DNAH3: variants seen among roughly 807,000 people sequenced by gnomAD.
DNAH3 encodes the protein dynein axonemal heavy chain 3.
In DNAH3, 332 loss-of-function variants were observed where a neutral mutation model predicts 432.5. The observed-to-expected ratio is 0.77, with a 90% CI of 0.70 to 0.84. DNAH3 has a LOEUF of 0.84. Among genes scored for constraint, DNAH3 ranks in the 40% least tolerant of loss-of-function variants. DNAH3 has a pLI of 0.00. For missense variants in DNAH3, 4,861 were observed against 5,114.0 expected (o/e 0.95, Z 1.51); for synonymous variants, 1,956 against 1,900.2 (o/e 1.03, Z -0.76).
chr16:20,941,396 C>T lies in DNAH3; in HGVS notation c.11654+5G>A. 2.5e-6 allele frequency: 4 copies of T among 1,613,606 alleles called. No individual in the cohort carries two copies. Among genetic ancestry groups the T allele is most frequent in the Non-Finnish European group, 3.4e-6 (4 of 1,179,738 alleles). ...CCAGGATTCAAGCTACATCATCTGG[C>T]CCACCTGTTGAATCTGATGAGCTCC... On this transcript the variant is annotated splice_donor_5th_base_variant and intron_variant, in intron 59 of 61. Coordinates refer to ENST00000261383, the Ensembl canonical transcript of DNAH3.
At chr16:21,003,978 T>G (rs2087153069) in intron 41 of DNAH3, among the ~76,000 whole-genome samples, 2 of 152,138 alleles carry the variant, frequency 1.3e-5, no homozygotes, top group Non-Finnish European at 2.9e-5. Context: ...ACATATACTA[T>G]TTTAAAATAA....
chr16:21,057,993 T>C (rs1439487285), intron 27 of DNAH3, 93 bp downstream of exon 27: 2 of 817,236 alleles, frequency 2.4e-6, no homozygotes, highest in East Asian at 2.4e-5. Context: ...GATTTTTGTT[T>C]AGACAACAAA....
intron 32 of DNAH3, among the ~76,000 whole-genome samples, chr16:21,041,296 G>T (rs923694984): frequency 6.6e-6 from 1 of 152,102 alleles, no homozygotes; most frequent in African/African-American, 2.4e-5. Flanking sequence ...ACTTGAACCT[G>T]GGAGGCAGAT....
At chr16:21,104,394 A>T in intron 16 of DNAH3, 77 bp downstream of exon 16, 1 of 1,318,298 alleles carries the variant, frequency 7.6e-7, no homozygotes, top group Non-Finnish European at 1.1e-6. Context: ...GGGATGGCTT[A>T]GACAGAACCA....
chr16:21,019,707 C>T lies in DNAH3; in HGVS notation c.5939G>A (p.Arg1980His), dbSNP rs772935570. The T allele has an allele frequency of 1.6e-5, 26 of 1,613,966 alleles. No homozygotes were observed. Among genetic ancestry groups the T allele is most frequent in the Admixed American group, 6.7e-5 (4 of 59,968 alleles). ...ATCATCCATGCCCATGATCAGGTTG[C>T]GGAAAAACACATCAAATTTCTTTCT... The change falls in exon 41 of 62, where the codon CGC (arginine) becomes CAC (histidine). Residue 1980 changes from arginine (R) to histidine (H), a missense_variant. Coordinates refer to ENST00000261383, the Ensembl canonical transcript of DNAH3.
At chr16:21,127,579 A>C in intron 8 of DNAH3, 108 bp downstream of exon 9, 1 of 1,353,184 alleles carries the variant, frequency 7.4e-7, no homozygotes, top group Non-Finnish European at 1.0e-6. Context: ...AAAAGACACG[A>C]AAGGATGCCA....
At chr16:21,094,063 C>A (rs1461469907) in intron 18 of DNAH3, among the ~76,000 whole-genome samples, 1 of 151,902 alleles carries the variant, frequency 6.6e-6, no homozygotes, top group African/African-American at 2.4e-5. Flanking sequence ...ATACGTTGGA[C>A]GTCATCAAAG....
chr16:20,966,458 G>C (rs968839399), intron 52 of DNAH3, among the ~76,000 whole-genome samples: 1 of 152,140 alleles, frequency 6.6e-6, no homozygotes. Flanking sequence ...TCTGACAAGA[G>C]AGGCCCCCCT....
intron 39 of DNAH3, 135 bp from the exon 40 acceptor site, chr16:21,022,235 C>T (rs2088274839): frequency 1.1e-6 from 1 of 877,614 alleles, no homozygotes; most frequent in Non-Finnish European, 1.8e-6. Flanking sequence ...TGGGGGAAAA[C>T]TTATAGGCAA....
chr16:20,995,765 T>C (rs995060725), intron 44 of DNAH3, among the ~76,000 whole-genome samples: 1 of 152,202 alleles, frequency 6.6e-6, no homozygotes, highest in Non-Finnish European at 1.5e-5. Context: ...TGGTCAGTTT[T>C]GAGAAATCAC....
chr16:20,959,199 C>T, exon 54 of DNAH3: 1 of 1,614,172 alleles, frequency 6.2e-7, no homozygotes, highest in Non-Finnish European at 8.5e-7. Context: ...CATTGGTGCT[C>T]TCAGGAACAA....
At chr16:21,000,493 A>C (rs749074566) in exon 43 of DNAH3, 1 of 1,610,292 alleles carries the variant, frequency 6.2e-7, no homozygotes, top group Admixed American at 1.7e-5. Flanking sequence ...GGCTGTCTCC[A>C]TTGTGGGGAT....
chr16:21,101,149 C>T (rs4783520), intron 16 of DNAH3, among the ~76,000 whole-genome samples: 23,797 of 152,064 alleles, frequency 0.16, 2,385 homozygotes, highest in South Asian at 0.23. Context: ...ATCTTAAATG[C>T]ACTCAGAACA....
chr16:20,942,141 G>A (rs542867910), intron 58 of DNAH3, among the ~76,000 whole-genome samples: 76 of 151,584 alleles, frequency 5.0e-4, no homozygotes, highest in South Asian at 2.1e-3. Flanking sequence ...GGGAACTCTT[G>A]CTCAGCCAGG....
chr16:20,934,168 T>C (rs2083505865), intron 61 of DNAH3, among the ~76,000 whole-genome samples: 1 of 152,202 alleles, frequency 6.6e-6, no homozygotes. Context: ...CCATTTAAAA[T>C]CATTCAAATT....
At chr16:21,015,991 G>A (rs1412840231) in intron 41 of DNAH3, among the ~76,000 whole-genome samples, 7 of 152,048 alleles carry the variant, frequency 4.6e-5, no homozygotes, top group Admixed American at 4.6e-4. Context: ...GTTTCAACAT[G>A]TTGGCCAGGC....
At position 21,097,342 on chromosome 16, in the gene DNAH3, G is replaced by A; in HGVS notation, c.2665+13C>T. Reference sequence around the variant, plus strand: ...ATCCCCATCTGTCCCAGCAGAGTGAGATCACCACATACCATTCATCCATTC... The same window carrying A: ...ATCCCCATCTGTCCCAGCAGAGTGAAATCACCACATACCATTCATCCATTC... On this transcript the variant is annotated intron_variant, in intron 18 of 61. Coordinates refer to ENST00000261383, the Ensembl canonical transcript of DNAH3. The A allele has an allele frequency of 1.2e-6, 2 of 1,613,156 alleles. No homozygotes were observed. The highest frequency in any genetic ancestry group is 2.2e-5 in the South Asian group (2 of 91,018).
intron 27 of DNAH3, among the ~76,000 whole-genome samples, chr16:21,057,290 A>C (rs921102678): frequency 2.0e-5 from 3 of 152,180 alleles, no homozygotes; most frequent in Non-Finnish European, 4.4e-5. Context: ...ACAAATCCCC[A>C]AATATTTATT....
exon 41 of DNAH3, chr16:21,019,691 G>C: frequency 6.2e-7 from 1 of 1,614,126 alleles, no homozygotes; most frequent in Non-Finnish European, 8.5e-7. Context: ...TATCATCCAT[G>C]CCCATGATCA....
Sources: allele counts gnomAD v4.1 joint callset (sites outside exome capture counted in the v4.1 genomes callset), GRCh38; gene constraint gnomAD v4.1.1; transcripts MANE v1.5; gene names NCBI Gene and HGNC (gene_info 2026-07-23, HGNC 2026-07-21).